The following CAST variants were observed in gnomAD, a reference collection of about 807,000 sequenced individuals.
The protein encoded by CAST is MIR583 host.
In CAST, 76 loss-of-function variants were observed where a neutral mutation model predicts 119.6. That is an observed-to-expected ratio of 0.64 (90% CI 0.53 to 0.77). The LOEUF (loss-of-function observed/expected upper bound fraction) is 0.77. CAST is among the 30% of genes least tolerant of loss of function. The pLI is 0.00. For missense variants in CAST, 953 were observed against 946.5 expected (o/e 1.01, Z -0.09); for synonymous variants, 319 against 331.6 (o/e 0.96, Z 0.41).
the CAST span, among the ~76,000 whole-genome samples, chr5:96,427,944 T>C: frequency 6.6e-6 from 1 of 152,046 alleles, no homozygotes; most frequent in Admixed American, 6.6e-5. Flanking sequence ...TGTAATAAGG[T>C]CCAGGGCCTC....
rs574022033 is a variant in CAST at position 96,617,629 on chromosome 5, A to C, written c.61-57910A>C. 2.8e-3 allele frequency among the ~76,000 whole-genome samples: 429 copies of C among 151,458 alleles called. 3 individuals carry two copies. The highest frequency in any genetic ancestry group is 9.9e-3 in the African/African-American group (409 of 41,232). On this transcript the variant is annotated intron_variant, in intron 1 of 11. Coordinates refer to the CAST transcript ENST00000505143. ...ACAGTGAAACCCCGTCTCTACTAAA[A>C]ATACAAAAAAAAATTAGCCAGGCAT...
chr5:96,656,965 G>T (rs1357371181), intron 1 of CAST, among the ~76,000 whole-genome samples: 1 of 151,924 alleles, frequency 6.6e-6, no homozygotes, highest in Non-Finnish European at 1.5e-5. Flanking sequence ...ACTGTGGCTT[G>T]CAGGCAATTG....
chr5:96,522,831 G>A (rs567127861), upstream of CAST, among the ~76,000 whole-genome samples: 166 of 152,206 alleles, frequency 1.1e-3, no homozygotes, highest in African/African-American at 3.8e-3. Context: ...TGATCCCAGC[G>A]GATATTTCTC....
chr5:96,356,654 A>G, the CAST span, among the ~76,000 whole-genome samples: 1 of 151,970 alleles, frequency 6.6e-6, no homozygotes, highest in South Asian at 2.1e-4. Flanking sequence ...GATGTGTGGC[A>G]TTATTTTTGA....
chr5:96,098,461 A>C, the CAST span, among the ~76,000 whole-genome samples: 1 of 152,072 alleles, frequency 6.6e-6, no homozygotes, highest in African/African-American at 2.4e-5. Context: ...TTTTGGTTTT[A>C]CATTGAAGTC....
At chr5:96,399,726 G>C in the CAST span, among the ~76,000 whole-genome samples, 1 of 152,124 alleles carries the variant, frequency 6.6e-6, no homozygotes, top group Non-Finnish European at 1.5e-5. Context: ...CTTAGACTGG[G>C]TGCTATGTGG....
intron 1 of CAST, among the ~76,000 whole-genome samples, chr5:96,664,350 T>C (rs1487115994): frequency 6.6e-6 from 1 of 152,040 alleles, no homozygotes; most frequent in Non-Finnish European, 1.5e-5. Context: ...TGCATATATA[T>C]GTAAATATAT....
At chr5:96,225,457 A>C in the CAST span, among the ~76,000 whole-genome samples, 1 of 152,342 alleles carries the variant, frequency 6.6e-6, no homozygotes, top group African/African-American at 2.4e-5. Flanking sequence ...AAAAACACAC[A>C]AAGATCATAG....
intron 23 of CAST, 38 bp from the exon 24 acceptor site, chr5:96,757,545 G>A: frequency 6.2e-7 from 1 of 1,611,204 alleles, no homozygotes; most frequent in South Asian, 1.1e-5. Flanking sequence ...GGCCCTGATT[G>A]CAATGGTGTT....
chr5:96,169,366 A>G, the CAST span, among the ~76,000 whole-genome samples: 1 of 152,154 alleles, frequency 6.6e-6, no homozygotes, highest in Non-Finnish European at 1.5e-5. Context: ...TAAAGAAAGC[A>G]TGTTTGGGAT....
At chr5:96,649,553 C>G (rs1220477545) in intron 1 of CAST, among the ~76,000 whole-genome samples, 1 of 152,196 alleles carries the variant, frequency 6.6e-6, no homozygotes, top group African/African-American at 2.4e-5. Context: ...CACCTTGGAT[C>G]AAGCCACCTT....
chr5:96,391,122 C>G, the CAST span: 1 of 152,168 alleles, frequency 6.6e-6, no homozygotes, highest in Non-Finnish European at 1.5e-5. Flanking sequence ...CACTTCATAT[C>G]AAACAATATA....
intron 1 of CAST, 48 bp from the exon 2 acceptor site, chr5:96,675,491 A>C (rs751838122): frequency 1.5e-6 from 2 of 1,325,876 alleles, no homozygotes; most frequent in African/African-American, 2.9e-5. Context: ...AGTTACTGTC[A>C]TCTGTGTCAT....
the CAST span, among the ~76,000 whole-genome samples, chr5:96,470,941 A>G: frequency 6.6e-6 from 1 of 152,110 alleles, no homozygotes; most frequent in Admixed American, 6.6e-5. Context: ...GCTCAGTGAA[A>G]CTGATAAAAA....
the CAST span, among the ~76,000 whole-genome samples, chr5:96,346,004 G>A: frequency 6.6e-6 from 1 of 152,170 alleles, no homozygotes. Context: ...AGAAGGCAGG[G>A]ATCACTGGGG....
the CAST span, among the ~76,000 whole-genome samples, chr5:96,361,518 A>G: frequency 2.0e-5 from 3 of 152,192 alleles, no homozygotes; most frequent in Admixed American, 1.3e-4. Context: ...GGAAAAGCAT[A>G]GTATCTGGGC....
At chr5:96,330,552 T>G in the CAST span, among the ~76,000 whole-genome samples, 1 of 152,218 alleles carries the variant, frequency 6.6e-6, no homozygotes, top group Non-Finnish European at 1.5e-5. Context: ...CCAGTTCCTA[T>G]GCAGTTTATC....
chr5:96,518,979 TA>T, the CAST span, among the ~76,000 whole-genome samples: 2 of 151,814 alleles, frequency 1.3e-5, no homozygotes, highest in Non-Finnish European at 2.9e-5. Context: ...GAGAATTGCT[TA>T]AACCCGGGAG....
At chr5:96,704,813 T>C (rs999752736) in intron 3 of CAST, among the ~76,000 whole-genome samples, 8 of 152,212 alleles carry the variant, frequency 5.3e-5, no homozygotes, top group African/African-American at 1.9e-4. Flanking sequence ...TTCATGAACA[T>C]TGCATTTAAT....
Sources: gnomAD v4.1 joint callset for allele counts (sites outside exome capture counted in the v4.1 genomes callset) on GRCh38, gnomAD v4.1.1 for gene constraint, MANE v1.5 for transcripts, NCBI Gene and HGNC (gene_info 2026-07-23, HGNC 2026-07-21) for gene names.